EML6: variants seen among roughly 807,000 people sequenced by gnomAD.
The protein encoded by EML6 is echinoderm microtubule-associated protein-like 6.
In EML6, 154 loss-of-function variants were observed where a neutral mutation model predicts 240.1. The ratio of observed to expected loss-of-function variants is 0.64; its 90% CI spans 0.56 to 0.73. The LOEUF is 0.73. EML6 is among the 30% of genes least tolerant of loss of function. The probability of loss-of-function intolerance (pLI) is 0.00; values close to 1 mark genes in which losing one functional copy is unlikely to be tolerated. For synonymous variants in EML6, 1,148 were observed against 899.0 expected (o/e 1.28, Z -4.95); for missense variants, 2,964 against 2,474.6 (o/e 1.20, Z -4.20).
chr2:54,951,139 AT>A (rs572050433), intron 30 of EML6, among the ~76,000 whole-genome samples: 47 of 152,332 alleles, frequency 3.1e-4, no homozygotes, highest in Non-Finnish European at 4.3e-4. Context: ...TTGCCTATTC[AT>A]TTTTACAATG....
chr2:54,807,511 G>A (rs1670560630), intron 2 of EML6, among the ~76,000 whole-genome samples: 1 of 152,110 alleles, frequency 6.6e-6, no homozygotes. Flanking sequence ...CTGATTTGTA[G>A]CACTTAGTGA....
At chr2:54,754,499 C>T (rs1327106993) in intron 2 of EML6, among the ~76,000 whole-genome samples, 1 of 152,176 alleles carries the variant, frequency 6.6e-6, no homozygotes, top group Non-Finnish European at 1.5e-5. Flanking sequence ...AGTGCCTCTT[C>T]AGGTCTTTTT....
At chr2:54,966,432 G>A (rs144757070) in intron 38 of EML6, among the ~76,000 whole-genome samples, 21 of 152,326 alleles carry the variant, frequency 1.4e-4, no homozygotes, top group African/African-American at 4.8e-4. Context: ...GCCATTCACT[G>A]CAAATGTCTT....
At chr2:54,951,458 T>C (rs924343292) in intron 30 of EML6, among the ~76,000 whole-genome samples, 3 of 151,764 alleles carry the variant, frequency 2.0e-5, no homozygotes, top group Admixed American at 2.0e-4. Flanking sequence ...CAGTTTGAGG[T>C]TGCTTGAACC....
chr2:54,882,873 A>AAAAAAAAAAAAAGAAAAAAAG (rs796515025), intron 17 of EML6: 1 of 112,358 alleles, frequency 8.9e-6, no homozygotes, highest in Non-Finnish European at 1.9e-5. Flanking sequence ...AAAAAAAAAA[A>AAAAAAAAAAAAAGAAAAAAAG]AGAAAGCTTA....
chr2:54,949,382 T>G (rs1675853957), intron 29 of EML6, among the ~76,000 whole-genome samples: 1 of 152,204 alleles, frequency 6.6e-6, no homozygotes, highest in Non-Finnish European at 1.5e-5. Context: ...CACGAAGCGT[T>G]TCATACAATC....
chr2:54,871,473 T>C, intron 15 of EML6, 27 bp from the exon 16 acceptor site: 1 of 1,493,232 alleles, frequency 6.7e-7, no homozygotes, highest in Non-Finnish European at 9.1e-7. Flanking sequence ...GTGTTAGTAG[T>C]TAATAACAGT....
At position 54,725,246 on chromosome 2, in the gene EML6, A is replaced by G; in HGVS notation, c.185A>G (p.Asp62Gly). ...HSQKFFLGHN[D>G]DIISLALHPD... ...CAAAAATTCTTCCTGGGACACAACG[A>G]CGACATTATCAGGTAAGGGGGTGGC... Residue 62 changes from aspartate to glycine, a missense_variant, in exon 2 of 42, where the codon GAC (aspartate) becomes GGC (glycine). By Grantham distance (94) the Asp-to-Gly change is moderately conservative (BLOSUM62 -1). Transcript: ENST00000356458. The surrounding 1 kb of genome is among the most constrained non-coding windows in gnomAD (Gnocchi z 4.3). The G allele has an allele frequency of 6.8e-7, 1 of 1,477,360 alleles. No homozygotes were observed. Among genetic ancestry groups the G allele is most frequent in the South Asian group, 1.3e-5 (1 of 76,232 alleles). 91.5% of individuals were successfully genotyped at this position (1,477,360 alleles called of 1,614,324 possible). A position where few individuals can be genotyped will look rare whatever the true frequency, so the allele number is the denominator to read the frequency against.
intron 2 of EML6, among the ~76,000 whole-genome samples, chr2:54,798,673 T>C (rs1160595797): frequency 6.6e-6 from 1 of 152,212 alleles, no homozygotes; most frequent in Non-Finnish European, 1.5e-5. Context: ...AGGGTTTTTA[T>C]TGATTAGGAT....
chr2:54,846,923 A>ATTTTTTTTTTTTTTTT lies in EML6; in HGVS notation c.1050-550_1050-549insTTTTTTTTTTTTTTTT, dbSNP rs34352060. Among the ~76,000 whole-genome samples, 563 of 129,700 alleles carry ATTTTTTTTTTTTTTTT rather than the reference A, an allele frequency of 4.3e-3. 30 individuals are homozygous for ATTTTTTTTTTTTTTTT. The highest frequency in any genetic ancestry group is 0.014 in the Middle Eastern group (3 of 222). The allele number at this position is 129,700 out of a possible 152,430, so 85.1% of individuals were successfully genotyped here. On this transcript the variant is annotated intron_variant, in intron 8 of 41. Transcript: ENST00000356458. ...AAAGTAATATTTTGTATGAAGTAGT[A>ATTTTTTTTTTTTTTTT]TTTTTTTTTTTTTGGAGACAGGGCC...
intron 2 of EML6, among the ~76,000 whole-genome samples, chr2:54,804,497 A>G (rs747367786): frequency 6.6e-6 from 1 of 152,242 alleles, no homozygotes; most frequent in Non-Finnish European, 1.5e-5. Flanking sequence ...TATCAGTAGC[A>G]ATTATACTGG....
At chr2:54,875,078 A>G (rs1671437262) in intron 16 of EML6, among the ~76,000 whole-genome samples, 1 of 152,160 alleles carries the variant, frequency 6.6e-6, no homozygotes, top group African/African-American at 2.4e-5. Flanking sequence ...CTCAGTGTGC[A>G]GGCTCACTTT....
chr2:54,857,342 C>G (rs1021160001), intron 11 of EML6, among the ~76,000 whole-genome samples: 1 of 152,068 alleles, frequency 6.6e-6, no homozygotes, highest in Admixed American at 6.5e-5. Flanking sequence ...GGCCTGAGCC[C>G]TCCTGTGGTG....
At chr2:54,850,329 T>C in intron 10 of EML6, 111 bp downstream of exon 10, 1 of 1,051,050 alleles carries the variant, frequency 9.5e-7, no homozygotes, top group Non-Finnish European at 1.4e-6. Flanking sequence ...GCAGGTTTTC[T>C]GGTTTTTGCC....
intron 28 of EML6, among the ~76,000 whole-genome samples, chr2:54,942,120 C>G (rs1422722671): frequency 6.6e-6 from 1 of 152,124 alleles, no homozygotes; most frequent in African/African-American, 2.4e-5. Flanking sequence ...AAAGCAATGA[C>G]TTCTGTCTGA....
At chr2:54,887,976 G>A (rs896240554) in intron 17 of EML6, among the ~76,000 whole-genome samples, 7 of 152,196 alleles carry the variant, frequency 4.6e-5, no homozygotes, top group African/African-American at 1.7e-4. Context: ...CATTCTGCGA[G>A]TTTTGACAAA....
chr2:54,907,456 G>A (rs1264335502), intron 24 of EML6, among the ~76,000 whole-genome samples: 1 of 152,194 alleles, frequency 6.6e-6, no homozygotes, highest in East Asian at 1.9e-4. Context: ...GCAGGGAGCT[G>A]AGATGGCACC....
At chr2:54,953,744 G>C (rs1676096151) in intron 31 of EML6, among the ~76,000 whole-genome samples, 1 of 152,030 alleles carries the variant, frequency 6.6e-6, no homozygotes, top group Non-Finnish European at 1.5e-5. Flanking sequence ...AAAATTAGCT[G>C]GGTGTGGTGG....
intron 39 of EML6, 130 bp from the exon 40 acceptor site, chr2:54,967,998 G>C (rs1033375447): frequency 1.3e-5 from 11 of 837,302 alleles, no homozygotes; most frequent in Non-Finnish European, 1.9e-5. Context: ...GTACCGTTCC[G>C]TGGCCTGGCT....
Sources: allele counts gnomAD v4.1 joint callset (sites outside exome capture counted in the v4.1 genomes callset), GRCh38; gene constraint gnomAD v4.1.1; non-coding constraint Gnocchi (gnomAD v3.1); transcripts MANE v1.5; gene names NCBI Gene and HGNC (gene_info 2026-07-23, HGNC 2026-07-21).